Variants in COL4A4 observed in about 807,000 individuals in gnomAD.
The protein encoded by COL4A4 is collagen alpha-4(IV) chain.
COL4A4 carries 105 observed loss-of-function variants against 192.9 expected under a neutral mutation model. The observed-to-expected ratio is 0.54, with a 90% confidence interval of 0.46 to 0.64. The LOEUF (loss-of-function observed/expected upper bound fraction) is 0.64. COL4A4 is among the 30% of genes least tolerant of loss of function. COL4A4 has a pLI of 0.00. For synonymous variants in COL4A4, 762 were observed against 769.9 expected (o/e 0.99, Z 0.17); for missense variants, 1,967 against 2,169.3 (o/e 0.91, Z 1.85).
At chr2:227,155,352 C>T (rs1355180564) in intron 1 of COL4A4, among the ~76,000 whole-genome samples, 1 of 152,146 alleles carries the variant, frequency 6.6e-6, no homozygotes, top group Non-Finnish European at 1.5e-5. Flanking sequence ...CTCCCAATAT[C>T]AACAGAAAAT....
intron 4 of COL4A4, among the ~76,000 whole-genome samples, chr2:227,135,167 T>C (rs552202414): frequency 2.3e-4 from 35 of 152,228 alleles, no homozygotes; most frequent in African/African-American, 7.9e-4. Flanking sequence ...GGAAACCAAG[T>C]AAATAGCTGT....
intron 20 of COL4A4, among the ~76,000 whole-genome samples, chr2:227,091,918 GA>G (rs1559600432): frequency 7.0e-6 from 1 of 143,094 alleles, no homozygotes; most frequent in South Asian, 2.1e-4. Flanking sequence ...AAGAAAGAAA[GA>G]AAGAAAGAAA....
chr2:227,007,187 G>C lies in COL4A4; in HGVS notation c.*138C>G. 1 of 1,248,342 alleles carries C rather than the reference G, an allele frequency of 8.0e-7. No individual in the cohort carries two copies. Among genetic ancestry groups the C allele is most frequent in the Non-Finnish European group, 1.2e-6 (1 of 850,620 alleles). 77.3% of individuals were successfully genotyped at this position (1,248,342 alleles called of 1,614,324 possible). ...ATGTGTAAGGAACCAGAGGACTCTG[G>C]GAATAACCACGACAAAACAGAAGGA... On this transcript the variant is annotated 3_prime_UTR_variant, in exon 48 of 48. Transcript: ENST00000396625.
intron 29 of COL4A4, among the ~76,000 whole-genome samples, chr2:227,057,159 T>C (rs910734235): frequency 6.6e-6 from 1 of 152,220 alleles, no homozygotes; most frequent in Non-Finnish European, 1.5e-5. Context: ...AAGCAGGCTT[T>C]CTCACAGGTT....
At chr2:227,088,997 C>G (rs1230589395) in intron 21 of COL4A4, among the ~76,000 whole-genome samples, 181 bp from the exon 22 acceptor site, 1 of 152,054 alleles carries the variant, frequency 6.6e-6, no homozygotes, top group African/African-American at 2.4e-5. Flanking sequence ...CATGGGGTGC[C>G]TAGGCATGGG....
chr2:227,031,347 C>T (rs1460786820), intron 40 of COL4A4, among the ~76,000 whole-genome samples: 1 of 152,156 alleles, frequency 6.6e-6, no homozygotes, highest in Non-Finnish European at 1.5e-5. Flanking sequence ...ATGCAATTGC[C>T]TGCATTTAGC....
chr2:227,084,970 A>G (rs1014889864), intron 22 of COL4A4, among the ~76,000 whole-genome samples: 1 of 152,118 alleles, frequency 6.6e-6, no homozygotes, highest in Non-Finnish European at 1.5e-5. Context: ...TGTCTCTACT[A>G]AAAATACAAA....
Position 227,052,366 on chromosome 2 carries a change from T to G in COL4A4, c.2907A>C (p.Ser969=), listed in dbSNP as rs116354015. Reference sequence around the variant, plus strand: ...CAGGTTCCCCAGGTGTTCCCTTTTGTGAAATGATAGCCATTTCTCCTTCAT... The same window carrying G: ...CAGGTTCCCCAGGTGTTCCCTTTTGGGAAATGATAGCCATTTCTCCTTCAT... ...PGDEGEMAII[S]QKGTPGEPGP... The change falls in exon 32 of 48, where the codon TCA becomes TCC. Residue 969 remains serine (S), a synonymous_variant. Transcript: ENST00000396625. 9.1e-4 allele frequency: 1,467 copies of G among 1,613,480 alleles called. 13 individuals are homozygous for G. In the African/African-American group the frequency reaches 0.016, roughly 18 times the overall value.
At chr2:227,088,614 C>T in intron 22 of COL4A4, 39 bp downstream of exon 22, 1 of 1,611,184 alleles carries the variant, frequency 6.2e-7, no homozygotes, top group South Asian at 1.1e-5. Flanking sequence ...AATACCATGT[C>T]TCTTTTAACT....
intron 20 of COL4A4, among the ~76,000 whole-genome samples, chr2:227,092,245 A>T (rs2059980878): frequency 6.6e-6 from 1 of 152,212 alleles, no homozygotes; most frequent in South Asian, 2.1e-4. Flanking sequence ...ACTCAGCCAA[A>T]CTAGAAATCA....
chr2:227,098,697 C>G lies in COL4A4; in HGVS notation c.1201G>C (p.Ala401Pro), dbSNP rs971177655. The G allele has an allele frequency of 2.5e-6, 4 of 1,613,598 alleles. No homozygotes were observed. In the African/African-American group the frequency reaches 5.3e-5, roughly 22 times the overall value. The stretch of plus-strand genomic sequence containing the variant: ...GGGCACATCAGGGCATCCGTACCTG[C>G]ACAGGCTTCCCCTGGTCTGCCCAAG... The part of the protein sequence containing the change: ...GLLGRPGEAC[A>P]GMIGPPGPQG... Residue 401 changes from alanine to proline, a missense_variant, in exon 19 of 48, where the codon GCA becomes CCA. Coordinates refer to ENST00000396625, the MANE Select transcript of COL4A4 (RefSeq NM_000092.5).
At chr2:227,104,319 C>T (rs1166569381) in intron 12 of COL4A4, among the ~76,000 whole-genome samples, 5 of 150,986 alleles carry the variant, frequency 3.3e-5, no homozygotes, top group East Asian at 3.9e-4. Context: ...GCCTGTAATC[C>T]GAGCACTTTG....
intron 24 of COL4A4, among the ~76,000 whole-genome samples, chr2:227,080,093 G>A (rs1008088151): frequency 1.3e-5 from 2 of 152,060 alleles, no homozygotes; most frequent in African/African-American, 2.4e-5. Flanking sequence ...ATCGGGACCC[G>A]AGCTCCATCC....
At chr2:227,126,831 G>T (rs1208008260) in intron 4 of COL4A4, among the ~76,000 whole-genome samples, 4 of 152,080 alleles carry the variant, frequency 2.6e-5, no homozygotes, top group African/African-American at 9.7e-5. Flanking sequence ...TCTTTAAATT[G>T]TTTCATGTAA....
chr2:227,016,785 T>C (rs940020685), intron 44 of COL4A4, among the ~76,000 whole-genome samples: 3 of 152,206 alleles, frequency 2.0e-5, no homozygotes, highest in African/African-American at 7.2e-5. Context: ...TATGCTCCTG[T>C]TATGCTTTTG....
At chr2:227,130,548 C>A (rs2062384755) in intron 4 of COL4A4, among the ~76,000 whole-genome samples, 1 of 152,194 alleles carries the variant, frequency 6.6e-6, no homozygotes, top group Non-Finnish European at 1.5e-5. Flanking sequence ...TTGTGGCCCC[C>A]TCTTCCTCCT....
the COL4A4 span, among the ~76,000 whole-genome samples, chr2:226,984,798 G>A: frequency 6.6e-6 from 1 of 152,098 alleles, no homozygotes; most frequent in East Asian, 1.9e-4. Flanking sequence ...AAACCCCCAA[G>A]TCAAACCAAG....
chr2:226,973,200 A>G, the COL4A4 span, among the ~76,000 whole-genome samples: 1 of 152,206 alleles, frequency 6.6e-6, no homozygotes, highest in Non-Finnish European at 1.5e-5. Context: ...TCCTTAAATG[A>G]TCTTCTTCCA....
chr2:227,096,104 C>T (rs543954633), intron 19 of COL4A4, among the ~76,000 whole-genome samples: 72 of 152,258 alleles, frequency 4.7e-4, no homozygotes, highest in Middle Eastern at 3.4e-3. Flanking sequence ...TGTTGCCTCC[C>T]TCTGAATGAG....
Sources: gnomAD v4.1 joint callset for allele counts (sites outside exome capture counted in the v4.1 genomes callset) on GRCh38, gnomAD v4.1.1 for gene constraint, MANE v1.5 for transcripts, NCBI Gene and HGNC (gene_info 2026-07-23, HGNC 2026-07-21) for gene names.